The following NPSR1 variants were observed in gnomAD, a reference collection of about 807,000 sequenced individuals.
NPSR1 encodes neuropeptide S receptor.
Under a neutral mutation model 46.9 loss-of-function variants are expected in NPSR1, and 48 were observed. That is an observed-to-expected ratio of 1.02 (90% CI 0.81 to 1.30). The LOEUF is 1.30. NPSR1 is among the 50% of genes most tolerant of loss of function. NPSR1 has a pLI of 0.00. For synonymous variants in NPSR1, 176 were observed against 168.1 expected (o/e 1.05, Z -0.36); for missense variants, 450 against 449.5 (o/e 1.00, Z -0.01).
At chr7:34,692,018 C>T (rs1304473490) in intron 2 of NPSR1, among the ~76,000 whole-genome samples, 1 of 152,040 alleles carries the variant, frequency 6.6e-6, no homozygotes, top group Non-Finnish European at 1.5e-5. Flanking sequence ...GTAGTCTAAG[C>T]AACTTGCAAG....
intron 6 of NPSR1, 92 bp from the exon 7 acceptor site, chr7:34,844,804 C>G (rs2128763723): frequency 1.2e-6 from 1 of 842,396 alleles, no homozygotes; most frequent in South Asian, 1.4e-5. Context: ...TAAGTGAAAA[C>G]TGGAGTCTAA....
chr7:34,710,856 A>G, intron 2 of NPSR1: 1 of 483,536 alleles, frequency 2.1e-6, no homozygotes, highest in African/African-American at 2.0e-5. Context: ...GCACCTGAGA[A>G]ACAAGTTTGC....
intron 2 of NPSR1, among the ~76,000 whole-genome samples, chr7:34,734,882 A>T (rs1681097670): frequency 6.6e-6 from 1 of 152,112 alleles, no homozygotes; most frequent in Non-Finnish European, 1.5e-5. Context: ...GTCACCTCCT[A>T]TTGGCCTTAT....
At chr7:34,855,741 C>A (rs574320414) in intron 8 of NPSR1, among the ~76,000 whole-genome samples, 6 of 151,976 alleles carry the variant, frequency 3.9e-5, no homozygotes, top group Admixed American at 6.5e-5. Context: ...TCAATTTTGC[C>A]GCAGAAATAC....
rs921873511 is a variant in NPSR1 at position 34,811,162 on chromosome 7, C to T, written c.385-608C>T. On this transcript the variant is annotated intron_variant, in intron 3 of 8. Coordinates refer to ENST00000360581, the MANE Select transcript of NPSR1 (RefSeq NM_207172.2). Reference sequence around the variant, plus strand: ...AGTGCCCTCTTGGTGGCCATGTCCTCGTCCATAGGCCAGGAAGAGTCAGGT... The same window carrying T: ...AGTGCCCTCTTGGTGGCCATGTCCTTGTCCATAGGCCAGGAAGAGTCAGGT... Among the ~76,000 whole-genome samples the T allele has an allele frequency of 2.0e-5, 3 of 152,060 alleles. No individual in the cohort carries two copies. The South Asian group carries it at 6.2e-4, about 32-fold the overall frequency.
At chr7:34,775,330 G>C (rs1786903677) in intron 2 of NPSR1, among the ~76,000 whole-genome samples, 1 of 152,138 alleles carries the variant, frequency 6.6e-6, no homozygotes, top group South Asian at 2.1e-4. Context: ...TCTGGTTTTG[G>C]TATCAGGATA....
In NPSR1 at chr7:34,848,630, G is replaced by A. The variant is rs572941013; in HGVS notation, c.992G>A (p.Cys331Tyr). ...AGTGCCATCAACCCCCTCATCTACTGTGTCTTCAGCAGCTCCATCTCTTTC... is the reference window on the plus strand; with the variant it reads ...AGTGCCATCAACCCCCTCATCTACTATGTCTTCAGCAGCTCCATCTCTTTC... ...LNSAINPLIY[C>Y]VFSSSISFPC... The change falls in exon 8 of 9, where the codon TGT becomes TAT. Residue 331 changes from cysteine (C) to tyrosine (Y), a missense_variant. By Grantham distance (194) the Cys-to-Tyr change is radical. Coordinates refer to ENST00000360581, the MANE Select transcript of NPSR1 (RefSeq NM_207172.2). 11 of 1,614,086 alleles carry A rather than the reference G, an allele frequency of 6.8e-6. No homozygotes were observed. The East Asian group carries it at 8.9e-5, about 13-fold the overall frequency.
chr7:34,770,956 G>C (rs906128415), intron 2 of NPSR1, among the ~76,000 whole-genome samples: 1 of 152,128 alleles, frequency 6.6e-6, no homozygotes, highest in South Asian at 2.1e-4. Context: ...TTTTATAATG[G>C]CATTAATCTA....
chr7:34,677,239 A>G (rs1342003652), intron 1 of NPSR1, among the ~76,000 whole-genome samples: 2 of 152,162 alleles, frequency 1.3e-5, no homozygotes, highest in African/African-American at 4.8e-5. Flanking sequence ...ACTGGGGACC[A>G]GAAGCCTCTT....
At chr7:34,725,781 G>A (rs1784115599) in intron 2 of NPSR1, among the ~76,000 whole-genome samples, 1 of 152,196 alleles carries the variant, frequency 6.6e-6, no homozygotes, top group Admixed American at 6.5e-5. Flanking sequence ...TGGTTTGGCT[G>A]TGTCCCCACC....
At chr7:34,825,238 C>A (rs907523254) in intron 4 of NPSR1, among the ~76,000 whole-genome samples, 54 of 152,344 alleles carry the variant, frequency 3.5e-4, no homozygotes, top group African/African-American at 1.3e-3. Flanking sequence ...GTCTAGACTA[C>A]CTTCTACAAC....
intron 4 of NPSR1, among the ~76,000 whole-genome samples, chr7:34,819,705 A>G (rs1789456331): frequency 6.6e-6 from 1 of 152,226 alleles, no homozygotes; most frequent in Non-Finnish European, 1.5e-5. Context: ...GATTAAGAAA[A>G]TATGGCACAT....
intron 3 of NPSR1, chr7:34,779,405 T>C (rs1158435167): frequency 3.5e-6 from 1 of 287,446 alleles, no homozygotes; most frequent in South Asian, 1.7e-4. Context: ...TAAATTATTA[T>C]AGCTTTATGT....
At chr7:34,690,535 A>G (rs932609785) in intron 2 of NPSR1, among the ~76,000 whole-genome samples, 1 of 152,182 alleles carries the variant, frequency 6.6e-6, no homozygotes, top group Non-Finnish European at 1.5e-5. Context: ...GATAGATACC[A>G]CTAAAATAAA....
chr7:34,849,453 C>T (rs1201274309), intron 8 of NPSR1, 112 bp from the exon 9 acceptor site: 1 of 1,600,378 alleles, frequency 6.2e-7, no homozygotes, highest in Non-Finnish European at 8.5e-7. Flanking sequence ...GTGCCTGGCA[C>T]AGTTGTCTGA....
At chr7:34,708,309 C>T (rs993092210) in intron 2 of NPSR1, among the ~76,000 whole-genome samples, 1 of 152,190 alleles carries the variant, frequency 6.6e-6, no homozygotes, top group Non-Finnish European at 1.5e-5. Context: ...GTGCATGTGC[C>T]TCACTGACAT....
chr7:34,791,435 C>CA (rs79104323), intron 3 of NPSR1, among the ~76,000 whole-genome samples: 9 of 143,964 alleles, frequency 6.3e-5, no homozygotes, highest in African/African-American at 7.7e-5. Flanking sequence ...ATGAACTATC[C>CA]AAAAAAAAAT....
chr7:34,785,802 T>G (rs1309301213), intron 3 of NPSR1, among the ~76,000 whole-genome samples: 1 of 152,194 alleles, frequency 6.6e-6, no homozygotes, highest in Non-Finnish European at 1.5e-5. Flanking sequence ...AAAAGTTATG[T>G]TTACATTTTA....
intron 2 of NPSR1, among the ~76,000 whole-genome samples, chr7:34,729,707 T>C (rs1314156365): frequency 1.3e-5 from 2 of 152,106 alleles, no homozygotes; most frequent in Admixed American, 1.3e-4. Context: ...AATTAGAAAA[T>C]ACAATCTTAA....
Sources: allele counts gnomAD v4.1 joint callset (sites outside exome capture counted in the v4.1 genomes callset), GRCh38; gene constraint gnomAD v4.1.1; transcripts MANE v1.5; gene names NCBI Gene and HGNC (gene_info 2026-07-23, HGNC 2026-07-21).